Variants in DACH1 observed in about 807,000 individuals in gnomAD.
DACH1 encodes the protein dachshund homolog 1.
In DACH1, 12 loss-of-function variants were observed where a neutral mutation model predicts 54.2. That is an observed-to-expected ratio of 0.22 (90% confidence interval 0.14 to 0.36). DACH1 has a LOEUF of 0.36. Ranked by LOEUF, DACH1 falls within the 10% of genes least tolerant of loss-of-function variation. DACH1 has a pLI of 1.00. For synonymous variants in DACH1, 386 were observed against 366.2 expected (o/e 1.05, Z -0.62); for missense variants, 805 against 929.8 (o/e 0.87, Z 1.75).
chr13:71,851,646 A>G (rs564578975), intron 1 of DACH1, among the ~76,000 whole-genome samples: 1 of 152,248 alleles, frequency 6.6e-6, no homozygotes, highest in South Asian at 2.1e-4. Flanking sequence ...ATCCCAGCGT[A>G]GCACATGCCA....
rs552646027 is a variant in DACH1, at chr13:71,543,121, G to T, written c.1570+13903C>A. On this transcript the variant is annotated intron_variant, in intron 6 of 10. Transcript: ENST00000613252. ...AGTTTGAAAACTGGATTTAAGTCAGGAAACAACAAGGTCTGTGTTTATGGT... is the reference window on the plus strand; with the variant it reads ...AGTTTGAAAACTGGATTTAAGTCAGTAAACAACAAGGTCTGTGTTTATGGT... Among the ~76,000 whole-genome samples the T allele has an allele frequency of 2.6e-5, 4 of 152,228 alleles. No individual in the cohort carries two copies. In the South Asian group the frequency reaches 6.2e-4, roughly 24 times the overall value.
chr13:71,840,918 A>C (rs1488671618), intron 1 of DACH1, among the ~76,000 whole-genome samples: 2 of 152,148 alleles, frequency 1.3e-5, no homozygotes, highest in African/African-American at 2.4e-5. Flanking sequence ...ACATGTACAA[A>C]GTTGAGATGG....
At chr13:71,636,446 A>T (rs1006796649) in intron 2 of DACH1, among the ~76,000 whole-genome samples, 1 of 151,986 alleles carries the variant, frequency 6.6e-6, no homozygotes, top group Admixed American at 6.6e-5. Context: ...AAGTTAAACT[A>T]CTTTGATTAG....
chr13:71,588,160 T>C (rs970170397), intron 3 of DACH1, among the ~76,000 whole-genome samples: 1 of 152,130 alleles, frequency 6.6e-6, no homozygotes, highest in African/African-American at 2.4e-5. Context: ...ACGCTTTTTT[T>C]CCTCCATTTA....
rs566444587 is a variant in DACH1, at chr13:71,780,954, C to T, written c.848+84968G>A. On this transcript the variant is annotated intron_variant, in intron 1 of 10. Coordinates refer to ENST00000613252, the MANE Select transcript of DACH1 (RefSeq NM_080759.6). The stretch of plus-strand genomic sequence containing the variant: ...TTCAAGACCAGCATGGGCAACATAG[C>T]GAGACCTTATCTCTACAAAAAATAA... 4.6e-5 allele frequency among the ~76,000 whole-genome samples: 7 copies of T among 152,112 alleles called. No individual in the cohort carries two copies. In the East Asian group the frequency reaches 1.4e-3, roughly 29 times the overall value.
intron 3 of DACH1, among the ~76,000 whole-genome samples, chr13:71,629,669 G>T (rs1876937360): frequency 6.6e-6 from 1 of 152,074 alleles, no homozygotes; most frequent in South Asian, 2.1e-4. Flanking sequence ...ATGGAAAAGA[G>T]AATTTAACTG....
chr13:71,472,761 T>G (rs544699918), intron 10 of DACH1, among the ~76,000 whole-genome samples: 1 of 152,222 alleles, frequency 6.6e-6, no homozygotes, highest in Non-Finnish European at 1.5e-5. Flanking sequence ...AGGCATGACA[T>G]AGACCGTTTC....
intron 6 of DACH1, among the ~76,000 whole-genome samples, chr13:71,529,183 G>GTT (rs10707603): frequency 1.0e-3 from 82 of 80,970 alleles, no homozygotes; most frequent in African/African-American, 3.4e-3. Context: ...TGTGATTTGG[G>GTT]TTTTTTTTTT....
At chr13:71,804,613 C>T (rs1887419281) in intron 1 of DACH1, among the ~76,000 whole-genome samples, 2 of 152,174 alleles carry the variant, frequency 1.3e-5, no homozygotes, top group African/African-American at 4.8e-5. Context: ...TCATTAGCTA[C>T]ATGATTGGAC....
intron 1 of DACH1, among the ~76,000 whole-genome samples, chr13:71,735,452 TGGGATATACACGTATAC>T (rs1467954150): frequency 1.9e-5 from 1 of 53,488 alleles, no homozygotes; most frequent in African/African-American, 5.8e-5. Flanking sequence ...TACGTGTATA[TGGGATATACACGTATAC>T]GGGATATACG....
At chr13:71,714,796 T>A (rs1044182180) in intron 1 of DACH1, among the ~76,000 whole-genome samples, 3 of 152,066 alleles carry the variant, frequency 2.0e-5, no homozygotes, top group East Asian at 3.9e-4. Context: ...AGAGATTTTT[T>A]AAAAATGTAT....
intron 1 of DACH1, among the ~76,000 whole-genome samples, chr13:71,797,281 T>C (rs1446754136): frequency 6.6e-6 from 1 of 152,056 alleles, no homozygotes; most frequent in Non-Finnish European, 1.5e-5. Flanking sequence ...CTGAAGGATT[T>C]AGAAAAGAAA....
intron 4 of DACH1, among the ~76,000 whole-genome samples, chr13:71,564,194 T>C (rs1280541536): frequency 1.3e-5 from 2 of 152,042 alleles, no homozygotes; most frequent in Non-Finnish European, 2.9e-5. Flanking sequence ...AAATAGATAA[T>C]GAGTTTTATT....
intron 3 of DACH1, among the ~76,000 whole-genome samples, chr13:71,606,616 A>G (rs904925089): frequency 6.6e-6 from 1 of 151,994 alleles, no homozygotes; most frequent in Non-Finnish European, 1.5e-5. Flanking sequence ...CTTGTATGCA[A>G]ACAGTTAATG....
intron 1 of DACH1, among the ~76,000 whole-genome samples, chr13:71,799,094 G>A (rs1887182181): frequency 1.3e-5 from 2 of 151,986 alleles, no homozygotes; most frequent in South Asian, 2.1e-4. Context: ...GAATGCCCAA[G>A]GTTATCAGTT....
chr13:71,513,072 C>G lies in DACH1; in HGVS notation c.1571-23924G>C, dbSNP rs138764633. ...TTAGAAATATATACAGTAATTGGAA[C>G]CATCTGCTACCAAATACAGGTACTA... is the stretch of plus-strand genomic sequence containing the variant. On this transcript the variant is annotated intron_variant, in intron 6 of 10. Transcript: ENST00000613252. 9.2e-4 allele frequency among the ~76,000 whole-genome samples: 140 copies of G among 151,864 alleles called. 1 individual carries two copies. The East Asian group carries it at 0.027, about 29-fold the overall frequency.
rs1340385494 is a variant in DACH1 at position 71,475,749 on chromosome 13, C to T, written c.1971G>A (p.Thr657=). 1.2e-5 allele frequency: 19 copies of T among 1,613,436 alleles called. No homozygotes were observed. Among genetic ancestry groups the T allele is most frequent in the East Asian group, 2.2e-5 (1 of 44,824 alleles). The change falls in exon 9 of 11, where the codon ACG becomes ACA. Residue 657 remains threonine (T), a synonymous_variant. Coordinates refer to ENST00000613252, the MANE Select transcript of DACH1 (RefSeq NM_080759.6). ...ETKRREQAEQ[T]LKQAASTDSL... is the part of the protein sequence containing the mutation. ...TATCTGTTGAAGCTGCCTGTTTTAGCGTCTGTTCTGCTTGTTCACGCCGTT... is the reference window on the plus strand; with the variant it reads ...TATCTGTTGAAGCTGCCTGTTTTAGTGTCTGTTCTGCTTGTTCACGCCGTT...
rs1338313572 is a variant in DACH1, at chr13:71,578,447, T to C, written c.1127-5435A>G. ...GGTAGGTGAGAGAATAAACAAGTTA[T>C]TATCTTTTAGTGGATTAAGTTCACT... is the stretch of plus-strand genomic sequence containing the variant. On this transcript the variant is annotated intron_variant, in intron 3 of 10. Transcript: ENST00000613252. Among the ~76,000 whole-genome samples the C allele has an allele frequency of 2.6e-5, 4 of 152,194 alleles. No individual in the cohort carries two copies. The East Asian group carries it at 7.7e-4, about 29-fold the overall frequency.
chr13:71,508,050 C>T (rs577731651), intron 6 of DACH1, among the ~76,000 whole-genome samples: 1 of 152,206 alleles, frequency 6.6e-6, no homozygotes, highest in African/African-American at 2.4e-5. Context: ...TCATTGCACT[C>T]ATGTTTTCTA....
Sources: gnomAD v4.1 joint callset for allele counts (sites outside exome capture counted in the v4.1 genomes callset) on GRCh38, gnomAD v4.1.1 for gene constraint, MANE v1.5 for transcripts, NCBI Gene and HGNC (gene_info 2026-07-23, HGNC 2026-07-21) for gene names.